DRC11: variants seen among roughly 807,000 people sequenced by gnomAD.
DRC11 encodes the protein dynein regulatory complex subunit 11.
the DRC11 span, among the ~76,000 whole-genome samples, chr2:236,414,093 T>C: frequency 9.0e-3 from 1,362 of 151,284 alleles, 9 homozygotes; most frequent in Non-Finnish European, 0.015. Flanking sequence ...AGAAAGACTA[T>C]TTTTTTTGAG....
At chr2:236,318,639 TTTGTA>T in the DRC11 span, among the ~76,000 whole-genome samples, 1 of 146,204 alleles carries the variant, frequency 6.8e-6, no homozygotes, top group Admixed American at 6.8e-5. This position sits in a 1 kb window ranked among gnomAD's most constrained non-coding sequence, Gnocchi z 7.0. Flanking sequence ...ATCGTTTGTG[TTTGTA>T]TGTGTGCATG....
chr2:236,447,213 C>T, the DRC11 span, among the ~76,000 whole-genome samples: 9 of 151,742 alleles, frequency 5.9e-5, no homozygotes, highest in African/African-American at 1.9e-4. The surrounding 1 kb of genome is among the most constrained non-coding windows in gnomAD (Gnocchi z 4.6). Context: ...CACATGCAGA[C>T]GTCCAAGCTG....
the DRC11 span, among the ~76,000 whole-genome samples, chr2:236,420,529 G>A: frequency 3.9e-5 from 6 of 152,118 alleles, no homozygotes; most frequent in Admixed American, 6.6e-5. This position sits in a 1 kb window ranked among gnomAD's most constrained non-coding sequence, Gnocchi z 4.8. Context: ...GGCTAATATC[G>A]TTTTATCCTA....
the DRC11 span, among the ~76,000 whole-genome samples, chr2:236,403,257 G>A: frequency 2.0e-5 from 3 of 152,076 alleles, no homozygotes; most frequent in Middle Eastern, 3.2e-3. Flanking sequence ...AAGGAGGTTC[G>A]GCAGCCGTGA....
the DRC11 span, among the ~76,000 whole-genome samples, chr2:236,417,302 C>T: frequency 5.7e-4 from 87 of 152,306 alleles, 1 homozygote; most frequent in South Asian, 1.0e-3. Flanking sequence ...ACTGCACAGG[C>T]TATCCCTTTT....
chr2:236,417,449 T>C, the DRC11 span, among the ~76,000 whole-genome samples: 1 of 152,118 alleles, frequency 6.6e-6, no homozygotes, highest in South Asian at 2.1e-4. Flanking sequence ...CGACTGTGGC[T>C]GTCTGAGCTG....
chr2:236,334,253 A>G, the DRC11 span, among the ~76,000 whole-genome samples: 3 of 152,104 alleles, frequency 2.0e-5, no homozygotes, highest in Non-Finnish European at 4.4e-5. This position sits in a 1 kb window ranked among gnomAD's most constrained non-coding sequence, Gnocchi z 7.8. Context: ...TCACCCACTC[A>G]TGGTTTCTTG....
chr2:236,455,785 G>A, the DRC11 span, among the ~76,000 whole-genome samples: 2 of 152,126 alleles, frequency 1.3e-5, no homozygotes, highest in Non-Finnish European at 2.9e-5. The surrounding 1 kb of genome is among the most constrained non-coding windows in gnomAD (Gnocchi z 5.7). Context: ...AAAATATAAC[G>A]AAGCATTTCA....
the DRC11 span, among the ~76,000 whole-genome samples, chr2:236,441,612 A>G: frequency 6.6e-6 from 1 of 152,178 alleles, no homozygotes; most frequent in African/African-American, 2.4e-5. Context: ...TTTTTCCATA[A>G]TCACATAATT....
At chr2:236,480,046 G>A in the DRC11 span, among the ~76,000 whole-genome samples, 1 of 144,784 alleles carries the variant, frequency 6.9e-6, no homozygotes, top group East Asian at 2.0e-4. Context: ...TTTCCTTTCA[G>A]AACTTAATAA....
the DRC11 span, among the ~76,000 whole-genome samples, chr2:236,502,977 T>C: frequency 6.6e-6 from 1 of 152,012 alleles, no homozygotes; most frequent in Non-Finnish European, 1.5e-5. Context: ...AGAAAAGCTA[T>C]AAAGACAGAA....
chr2:236,363,654 G>T, the DRC11 span: 1 of 753,550 alleles, frequency 1.3e-6, no homozygotes, highest in Non-Finnish European at 2.2e-6. The surrounding 1 kb of genome is among the most constrained non-coding windows in gnomAD (Gnocchi z 5.6). Context: ...GAAGTAATTT[G>T]CAGGAGTAGA....
chr2:236,382,073 G>A, the DRC11 span, among the ~76,000 whole-genome samples: 7 of 152,022 alleles, frequency 4.6e-5, no homozygotes, highest in African/African-American at 7.2e-5. Context: ...TTCTCTTTTT[G>A]TTTTTCTAAA....
At chr2:236,487,465 G>A in the DRC11 span, among the ~76,000 whole-genome samples, 2 of 151,782 alleles carry the variant, frequency 1.3e-5, no homozygotes, top group African/African-American at 4.8e-5. Context: ...ATATCACCTT[G>A]CCATCTGCTG....
At chr2:236,408,328 C>A in the DRC11 span, 35 of 773,998 alleles carry the variant, frequency 4.5e-5, no homozygotes, top group African/African-American at 5.3e-4. The surrounding 1 kb of genome is among the most constrained non-coding windows in gnomAD (Gnocchi z 5.5). Flanking sequence ...GGCCACCTTG[C>A]GCAAGCCTCA....
chr2:236,367,408 G>A, the DRC11 span, among the ~76,000 whole-genome samples: 1 of 151,346 alleles, frequency 6.6e-6, no homozygotes, highest in African/African-American at 2.4e-5. The surrounding 1 kb of genome is among the most constrained non-coding windows in gnomAD (Gnocchi z 4.8). Context: ...GGCAAGTTCT[G>A]AAGTCTTAAG....
At chr2:236,369,529 A>G in the DRC11 span, among the ~76,000 whole-genome samples, 2 of 152,260 alleles carry the variant, frequency 1.3e-5, no homozygotes, top group Admixed American at 1.3e-4. This position sits in a 1 kb window ranked among gnomAD's most constrained non-coding sequence, Gnocchi z 4.5. Flanking sequence ...GCTCATTGCC[A>G]GTAAACATGA....
the DRC11 span, chr2:236,507,229 T>G: frequency 1.2e-6 from 2 of 1,613,392 alleles, no homozygotes; most frequent in Non-Finnish European, 1.7e-6. Context: ...GCCCACTCCA[T>G]GGCTGTGGCT....
the DRC11 span, among the ~76,000 whole-genome samples, chr2:236,484,305 C>T: frequency 6.6e-6 from 1 of 152,152 alleles, no homozygotes; most frequent in Non-Finnish European, 1.5e-5. Flanking sequence ...TTATTTAAGT[C>T]ATGATTCATG....
Sources: allele counts gnomAD v4.1 joint callset (sites outside exome capture counted in the v4.1 genomes callset), GRCh38; gene constraint gnomAD v4.1.1; non-coding constraint Gnocchi (gnomAD v3.1); transcripts MANE v1.5; gene names NCBI Gene and HGNC (gene_info 2026-07-23, HGNC 2026-07-21).